The following RAD54L variants were observed in gnomAD, a reference collection of about 807,000 sequenced individuals.
RAD54L encodes the protein RAD54 like, also known as DNA repair and recombination protein RAD54-like.
A neutral mutation model predicts 91.6 loss-of-function variants in RAD54L; 74 were observed. That is an observed-to-expected ratio of 0.81 (90% CI 0.67 to 0.98). The LOEUF (loss-of-function observed/expected upper bound fraction) is 0.98, where lower values mean the gene tolerates loss of function less well. RAD54L is among the 50% of genes least tolerant of loss of function. The probability of loss-of-function intolerance (pLI) is 0.00; values close to 1 mark genes in which losing one functional copy is unlikely to be tolerated. For synonymous variants in RAD54L, 304 were observed against 349.7 expected (o/e 0.87, Z 1.46); for missense variants, 887 against 945.7 (o/e 0.94, Z 0.81).
intron 3 of RAD54L, among the ~76,000 whole-genome samples, chr1:46,251,111 C>T (rs1224344408): frequency 1.3e-5 from 2 of 152,080 alleles, no homozygotes; most frequent in Non-Finnish European, 2.9e-5. Context: ...GAGTTCAAGA[C>T]CAGCCTGGCC....
Position 46,273,766 on chromosome 1 carries a change from A to G in RAD54L, c.1610+19A>G. The G allele has an allele frequency of 2.5e-6, 4 of 1,587,308 alleles. No individual in the cohort carries two copies. The highest frequency in any genetic ancestry group is 3.6e-5 in the Admixed American group (2 of 55,108). On this transcript the variant is annotated intron_variant, in intron 14 of 17. Coordinates refer to ENST00000371975, the MANE Select transcript of RAD54L (RefSeq NM_003579.4). ...CCCGAAGGTAGGGAAGATCCTAACC[A>G]GGATGCCAAAGGGGGATATACCCCT... is the stretch of plus-strand genomic sequence containing the variant.
At chr1:46,258,305 CAAAAA>C (rs56952108) in intron 3 of RAD54L, among the ~76,000 whole-genome samples, 1 of 89,000 alleles carries the variant, frequency 1.1e-5, no homozygotes, top group African/African-American at 4.1e-5. Context: ...CTGATGTAGC[CAAAAA>C]AAAAAAAAAA....
In RAD54L at chr1:46,260,007, C is replaced by G; in HGVS notation, c.315C>G (p.Val105=). ...CATTGGGCCTGAAAAGGGCTGGGGT[C>G]CGCCGGGCCCTCCATGACCCCCTGG... ...SRALGLKRAG[V]RRALHDPLEK... is the part of the protein sequence containing the mutation. Residue 105 remains valine (V), a synonymous_variant, in exon 5 of 18, where the codon GTC becomes GTG. Transcript: ENST00000371975. The G allele has an allele frequency of 3.1e-6, 5 of 1,614,078 alleles. No homozygotes were observed. The highest frequency in any genetic ancestry group is 4.2e-6 in the Non-Finnish European group (5 of 1,179,974).
chr1:46,278,420 T>C lies in RAD54L; in HGVS notation c.*138T>C, dbSNP rs1660689404. The C allele has an allele frequency of 1.9e-6, 2 of 1,050,680 alleles. No homozygotes were observed. The highest frequency in any genetic ancestry group is 2.8e-6 in the Non-Finnish European group (2 of 713,868). 65.1% of individuals were successfully genotyped at this position (1,050,680 alleles called of 1,614,324 possible). On this transcript the variant is annotated 3_prime_UTR_variant, in exon 18 of 18. Coordinates refer to ENST00000371975, the MANE Select transcript of RAD54L (RefSeq NM_003579.4). ...CTGCATGATGTTTGCCCAAAATTTA[T>C]TTTATAAGAAAAACTTTTTTGGTTA... is the stretch of plus-strand genomic sequence containing the variant.
intron 3 of RAD54L, among the ~76,000 whole-genome samples, chr1:46,250,981 C>A (rs1280796658): frequency 1.5e-5 from 2 of 137,400 alleles, no homozygotes; most frequent in Admixed American, 7.4e-5. Context: ...AAAAAAAAAA[C>A]AAAAAACAAA....
Position 46,267,492 on chromosome 1 carries a change from T to C in RAD54L, c.925T>C (p.Tyr309His). 1 of 1,614,152 alleles carries C rather than the reference T, an allele frequency of 6.2e-7. No homozygotes were observed. The highest frequency in any genetic ancestry group is 8.5e-7 in the Non-Finnish European group (1 of 1,180,032). Reference protein sequence around the residue: ...HRLKNSENQTYQALDSLNTSR... With the variant: ...HRLKNSENQTHQALDSLNTSR... ...GCTCAAGAACTCTGAGAATCAGACTTACCAAGCCCTGGACAGCTTGAACAC... is the reference window on the plus strand; with the variant it reads ...GCTCAAGAACTCTGAGAATCAGACTCACCAAGCCCTGGACAGCTTGAACAC... The change falls in exon 9 of 18, where the codon TAC becomes CAC. Residue 309 changes from tyrosine to histidine, a missense_variant. Tyr to His is a moderately conservative substitution (Grantham distance 83). Transcript: ENST00000371975.
At chr1:46,264,142 T>C (rs763564403) in intron 8 of RAD54L, among the ~76,000 whole-genome samples, 1 of 152,216 alleles carries the variant, frequency 6.6e-6, no homozygotes, top group East Asian at 1.9e-4. Flanking sequence ...TGTCCTGTTT[T>C]ATGAGCTGAC....
intron 7 of RAD54L, 113 bp from the exon 8 acceptor site, chr1:46,261,148 G>A: frequency 6.5e-7 from 1 of 1,546,318 alleles, no homozygotes; most frequent in Non-Finnish European, 8.8e-7. Context: ...GAAAATAGTT[G>A]AAGTGGAGTC....
chr1:46,247,842 C>T lies in RAD54L; in HGVS notation c.-564C>T. The T allele has an allele frequency of 4.8e-6, 1 of 207,406 alleles. No homozygotes were observed. Among genetic ancestry groups the T allele is most frequent in the Non-Finnish European group, 1.0e-5 (1 of 100,318 alleles). 12.8% of individuals were successfully genotyped at this position (207,406 alleles called of 1,614,324 possible). A position where few individuals can be genotyped will look rare whatever the true frequency, so the allele number is the denominator to read the frequency against. On this transcript the variant is annotated 5_prime_UTR_variant, in exon 1 of 18. Transcript: ENST00000371975. ...TCTATCTCTGTCGCTCTTTTCAGCC[C>T]CTCCTGGTATTCCCCTCCTAACCTG...
Position 46,250,046 on chromosome 1 carries a change from G to C in RAD54L, c.137G>C (p.Cys46Ser). ...AGCAGTGAGACCCAGATCCAGGAGT[G>C]TTTCCTGTCTCCTTTTCGGAAACCT... ...KSSSETQIQE[C>S]FLSPFRKPLS... Residue 46 changes from cysteine (C) to serine (S), a missense_variant, in exon 3 of 18, where the codon TGT becomes TCT. Coordinates refer to ENST00000371975, the MANE Select transcript of RAD54L (RefSeq NM_003579.4). 1 of 1,614,060 alleles carries C rather than the reference G, an allele frequency of 6.2e-7. No homozygotes were observed. The highest frequency in any genetic ancestry group is 8.5e-7 in the Non-Finnish European group (1 of 1,179,936).
chr1:46,263,804 T>C lies in RAD54L; in HGVS notation c.891+2419T>C, dbSNP rs1660194259. ...GAGCATCTAAATTTTTTTCTACTTT[T>C]TGTTTTTTTTTGAGACAAGGGTCTT... On this transcript the variant is annotated intron_variant, in intron 8 of 17. Transcript: ENST00000371975. The surrounding 1 kb of genome is among the most constrained non-coding windows in gnomAD (Gnocchi z 4.3). 6.6e-6 allele frequency among the ~76,000 whole-genome samples: 1 copy of C among 151,914 alleles called. No homozygotes were observed. The highest frequency in any genetic ancestry group is 1.5e-5 in the Non-Finnish European group (1 of 68,018).
At position 46,256,601 on chromosome 1, in the gene RAD54L, T is replaced by C. The variant is rs865810105; in HGVS notation, c.211-2085T>C. 2.6e-4 allele frequency among the ~76,000 whole-genome samples: 40 copies of C among 151,164 alleles called. 1 individual carries two copies. In the Middle Eastern group the frequency reaches 0.034, roughly 129 times the overall value. ...TGAGGTATGATCACCACTACTGTACTCCAGCCTGGGCGACAAAATGAGACC... is the reference window on the plus strand; with the variant it reads ...TGAGGTATGATCACCACTACTGTACCCCAGCCTGGGCGACAAAATGAGACC... On this transcript the variant is annotated intron_variant, in intron 3 of 17. Transcript: ENST00000371975.
chr1:46,260,451 C>G (rs1314457525), intron 5 of RAD54L, 91 bp from the exon 6 acceptor site: 14 of 1,292,540 alleles, frequency 1.1e-5, no homozygotes, highest in Admixed American at 5.1e-5. Flanking sequence ...GCAGCTGCCT[C>G]TGTTGCCTCC....
In RAD54L at chr1:46,270,730, G is replaced by A. The variant is rs1411049111; in HGVS notation, c.1114G>A (p.Ala372Thr). ...GGGTCGAGACGCTGCTGCTAGTGAG[G>A]CAGACAGGCAGCTAGGAGAGGAGCG... ...LKGRDAAASEADRQLGEERLR... is the reference protein window; with the variant it reads ...LKGRDAAASETDRQLGEERLR... The change falls in exon 10 of 18, where the codon GCA becomes ACA. Residue 372 changes from alanine (A) to threonine (T), a missense_variant. Ala to Thr is a moderately conservative substitution (Grantham distance 58, BLOSUM62 0). Transcript: ENST00000371975. 2.5e-6 allele frequency: 4 copies of A among 1,614,120 alleles called. No homozygotes were observed. The highest frequency in any genetic ancestry group is 2.7e-5 in the African/African-American group (2 of 74,938).
chr1:46,272,856 G>T, intron 12 of RAD54L, 54 bp downstream of exon 12: 2 of 1,609,196 alleles, frequency 1.2e-6, no homozygotes, highest in Non-Finnish European at 1.7e-6. Flanking sequence ...AGGGAGGGTA[G>T]GTTCCTGTAG....
chr1:46,274,142 T>C lies in RAD54L; in HGVS notation c.1615T>C (p.Leu539=), dbSNP rs17102097. The C allele has an allele frequency of 3.0e-3, 4,885 of 1,612,662 alleles. 89 individuals carry two copies. The African/African-American group carries it at 0.045, about 15-fold the overall frequency. ...GGGTCTCGAATCCCCCTTCAGGTACTTATACGTCCGCCTGGATGGCACGAT... is the reference window on the plus strand; with the variant it reads ...GGGTCTCGAATCCCCCTTCAGGTACCTATACGTCCGCCTGGATGGCACGAT... ...FEKLCRARRY[L]YVRLDGTMSI... The change falls in exon 15 of 18, where the codon TTA becomes CTA. Residue 539 remains leucine, a synonymous_variant. Transcript: ENST00000371975.
At chr1:46,271,947 C>G (rs1660439934) in intron 10 of RAD54L, among the ~76,000 whole-genome samples, 1 of 145,580 alleles carries the variant, frequency 6.9e-6, no homozygotes, top group African/African-American at 2.6e-5. Flanking sequence ...TGCTGCCTGT[C>G]TAAGCTAGCA....
chr1:46,259,965 T>A lies in RAD54L; in HGVS notation c.273T>A (p.Gly91=). 1 of 1,614,010 alleles carries A rather than the reference T, an allele frequency of 6.2e-7. No individual in the cohort carries two copies. The highest frequency in any genetic ancestry group is 1.3e-5 in the African/African-American group (1 of 74,974). Reference sequence around the variant, plus strand: ...GACGGAATGATTATTGGTTTGTAGGTCCTCTGGGCTCTCGAGCATTGGGCC... The same window carrying A: ...GACGGAATGATTATTGGTTTGTAGGACCTCTGGGCTCTCGAGCATTGGGCC... ...PFKVPIPNYQ[G]PLGSRALGLK... The change falls in exon 5 of 18, where the codon GGT becomes GGA. Residue 91 remains glycine (G), a splice_region_variant and synonymous_variant. Coordinates refer to ENST00000371975, the MANE Select transcript of RAD54L (RefSeq NM_003579.4).
At chr1:46,249,445 T>C (rs1475039591) in intron 2 of RAD54L, among the ~76,000 whole-genome samples, 2 of 152,188 alleles carry the variant, frequency 1.3e-5, no homozygotes, top group East Asian at 3.8e-4. Flanking sequence ...AGGAGGCACA[T>C]TGGCTGACCC....
Sources: gnomAD v4.1 joint callset for allele counts (sites outside exome capture counted in the v4.1 genomes callset) on GRCh38, gnomAD v4.1.1 for gene constraint, Gnocchi (gnomAD v3.1) non-coding constraint, MANE v1.5 for transcripts, NCBI Gene and HGNC (gene_info 2026-07-23, HGNC 2026-07-21) for gene names.